ALPI: variants seen among roughly 807,000 people sequenced by gnomAD.
The protein encoded by ALPI is intestinal-type alkaline phosphatase.
A neutral mutation model predicts 51.5 loss-of-function variants in ALPI; 50 were observed. The observed-to-expected ratio is 0.97, with a 90% CI of 0.77 to 1.23. ALPI has a LOEUF of 1.23. Among genes scored for constraint, ALPI ranks in the 50% most tolerant of loss-of-function variants. ALPI has a pLI of 0.00. For missense variants in ALPI, 692 were observed against 722.4 expected, an observed-to-expected ratio of 0.96 and a Z score of 0.48; for synonymous variants, 322 against 308.2, an observed-to-expected ratio of 1.04 and a Z score of -0.47.
chr2:232,456,298 AGG>A lies in ALPI; in HGVS notation c.67+34_67+35del. On this transcript the variant is annotated intron_variant, in intron 1 of 10. Transcript: ENST00000295463. This position sits in a 1 kb window ranked among gnomAD's most constrained non-coding sequence, Gnocchi z 4.2. Reference sequence around the variant, plus strand: ...AGGCTCCCCAAGCTGTTCCACACACAGGGCACCCCCTCAGCCAGGCTGACCTG... The same window carrying A: ...AGGCTCCCCAAGCTGTTCCACACACAGCACCCCCTCAGCCAGGCTGACCTG... The A allele has an allele frequency of 7.4e-6, 12 of 1,614,042 alleles. No individual in the cohort carries two copies. Among genetic ancestry groups the A allele is most frequent in the Non-Finnish European group, 1.0e-5 (12 of 1,180,000 alleles).
intron 10 of ALPI, 27 bp downstream of exon 10, chr2:232,458,775 G>GGGGGACCA: frequency 6.2e-7 from 1 of 1,612,978 alleles, no homozygotes; most frequent in Non-Finnish European, 8.5e-7. Flanking sequence ...GGCCCGTGCA[G>GGGGGACCA]GGGGACCAGG....
chr2:232,458,672 G>A lies in ALPI; in HGVS notation c.1224G>A (p.Thr408=), dbSNP rs767460621. Residue 408 remains threonine (T), a synonymous_variant, in exon 10 of 11, where the codon ACG becomes ACA. Coordinates refer to ENST00000295463, the MANE Select transcript of ALPI (RefSeq NM_001631.5). ...PSKAQDSKAY[T]SILYGNGPGY... is the part of the protein sequence containing the mutation. ...AGGCTCAGGACAGCAAAGCCTACAC[G>A]TCCATCCTGTACGGCAATGGCCCGG... The A allele has an allele frequency of 6.2e-7, 1 of 1,613,942 alleles. No individual in the cohort carries two copies. Among genetic ancestry groups the A allele is most frequent in the East Asian group, 2.2e-5 (1 of 44,870 alleles).
In ALPI at chr2:232,459,037, G is replaced by A. The variant is rs763287848; in HGVS notation, c.1478G>A (p.Cys493Tyr). ...GCCTGTCTGGAGCCCTACACGGCCT[G>A]CGACCTGGCGCCTCCCGCCTGCACC... ...FAACLEPYTA[C>Y]DLAPPACTTD... Residue 493 changes from cysteine (C) to tyrosine (Y), a missense_variant, in exon 11 of 11, where the codon TGC becomes TAC. Cys to Tyr is a radical substitution (Grantham distance 194). Transcript: ENST00000295463. The A allele has an allele frequency of 8.4e-6, 13 of 1,552,608 alleles. No homozygotes were observed. The South Asian group carries it at 1.5e-4, about 18-fold the overall frequency.
rs1466726222 is a variant in ALPI, at chr2:232,457,930, G to C, written c.856+63G>C. 1.4e-5 allele frequency: 23 copies of C among 1,612,062 alleles called. No homozygotes were observed. Among genetic ancestry groups the C allele is most frequent in the East Asian group, 2.2e-5 (1 of 44,872 alleles). ...ACCTCAGAGGGTGCCATCCGAGCCTGTGTGCCCATTTGCCAGCACCCTCCC... is the reference window on the plus strand; with the variant it reads ...ACCTCAGAGGGTGCCATCCGAGCCTCTGTGCCCATTTGCCAGCACCCTCCC... On this transcript the variant is annotated intron_variant, in intron 7 of 10. Transcript: ENST00000295463. This position sits in a 1 kb window ranked among gnomAD's most constrained non-coding sequence, Gnocchi z 4.7.
In ALPI at chr2:232,456,573, C is replaced by T. The variant is rs1690189055; in HGVS notation, c.185-7C>T. ...GGCCCAGGACTCACACATTTCTGCT[C>T]CTTCAGGGTTGGGGGTGCCCACGGT... On this transcript the variant is annotated splice_region_variant and splice_polypyrimidine_tract_variant and intron_variant, in intron 2 of 10. Transcript: ENST00000295463. The surrounding 1 kb of genome is among the most constrained non-coding windows in gnomAD (Gnocchi z 4.2). 4.3e-6 allele frequency: 7 copies of T among 1,611,652 alleles called. No homozygotes were observed. Among genetic ancestry groups the T allele is most frequent in the Admixed American group, 1.7e-5 (1 of 59,930 alleles).
In ALPI at chr2:232,458,722, G is replaced by A; in HGVS notation, c.1274G>A (p.Arg425Gln). The change falls in exon 10 of 11, where the codon CGA becomes CAA. Residue 425 changes from arginine to glutamine, a missense_variant. By Grantham distance (43) the Arg-to-Gln change is conservative. Transcript: ENST00000295463. ...GGCTACGTGTTCAACTCAGGCGTGC[G>A]ACCAGACGTGAATGAGAGCGAGAGC... ...GPGYVFNSGV[R>Q]PDVNESESGS... 2.5e-6 allele frequency: 4 copies of A among 1,613,950 alleles called. No individual in the cohort carries two copies. The highest frequency in any genetic ancestry group is 3.4e-6 in the Non-Finnish European group (4 of 1,180,030).
Position 232,457,165 on chromosome 2 carries a change from TGGTGACCACCACACG to T in ALPI, c.496_510del (p.Thr166_Val170del). The T allele has an allele frequency of 6.2e-7, 1 of 1,612,986 alleles. No homozygotes were observed. The highest frequency in any genetic ancestry group is 8.5e-7 in the Non-Finnish European group (1 of 1,179,908). ...TCACCCTCAGGAAAGTCAGTAGGAG[TGGTGACCACCACACG>T]GGTGCAGCACGCCTCGCCAGCCGGC... On this transcript the variant is annotated inframe_deletion, in exon 5 of 11. Coordinates refer to ENST00000295463, the MANE Select transcript of ALPI (RefSeq NM_001631.5). This position sits in a 1 kb window ranked among gnomAD's most constrained non-coding sequence, Gnocchi z 4.7.
Position 232,457,311 on chromosome 2 carries a change from A to T in ALPI, c.637A>T (p.Met213Leu). ...QDIATQLISN[M>L]DIDVILGGGR... ...CATCGCCACTCAGCTCATCTCCAAC[A>T]TGGACATTGACGTGCGACCCCCGGG... Residue 213 changes from methionine (M) to leucine (L), a missense_variant, in exon 5 of 11, where the codon ATG (methionine) becomes TTG (leucine). Met to Leu is a conservative substitution (Grantham distance 15). Transcript: ENST00000295463. The surrounding 1 kb of genome is among the most constrained non-coding windows in gnomAD (Gnocchi z 4.7). 1 of 1,609,028 alleles carries T rather than the reference A, an allele frequency of 6.2e-7. No homozygotes were observed. The highest frequency in any genetic ancestry group is 8.5e-7 in the Non-Finnish European group (1 of 1,177,534).
chr2:232,457,062 C>T lies in ALPI; in HGVS notation c.464C>T (p.Ala155Val). The T allele has an allele frequency of 6.2e-7, 1 of 1,613,554 alleles. No homozygotes were observed. Among genetic ancestry groups the T allele is most frequent in the Non-Finnish European group, 8.5e-7 (1 of 1,179,978 alleles). ...GAGGTCATCTCCGTGATGAACCGGG[C>T]CAAGCAAGCAGGTGAGCTGGGGCCC... The part of the protein sequence containing the change: ...GNEVISVMNR[A>V]KQAGKSVGVV... Residue 155 changes from alanine to valine, a missense_variant, in exon 4 of 11, where the codon GCC becomes GTC. Transcript: ENST00000295463. This position sits in a 1 kb window ranked among gnomAD's most constrained non-coding sequence, Gnocchi z 4.7.
chr2:232,456,327 TC>T lies in ALPI; in HGVS notation c.68-21del. The T allele has an allele frequency of 6.2e-7, 1 of 1,614,092 alleles. No individual in the cohort carries two copies. The highest frequency in any genetic ancestry group is 8.5e-7 in the Non-Finnish European group (1 of 1,180,016). Reference sequence around the variant, plus strand: ...CACCCCCTCAGCCAGGCTGACCTGATCTCTACTCTCCCCCTGGCCAGCTGAG... The same window carrying T: ...CACCCCCTCAGCCAGGCTGACCTGATTCTACTCTCCCCCTGGCCAGCTGAG... On this transcript the variant is annotated intron_variant, in intron 1 of 10. Coordinates refer to ENST00000295463, the MANE Select transcript of ALPI (RefSeq NM_001631.5). The surrounding 1 kb of genome is among the most constrained non-coding windows in gnomAD (Gnocchi z 4.2).
chr2:232,458,947 C>A lies in ALPI; in HGVS notation c.1388C>A (p.Pro463Gln). Residue 463 changes from proline to glutamine, a missense_variant, in exon 11 of 11, where the codon CCG (proline) becomes CAG (glutamine). Transcript: ENST00000295463. ...GEDVAVFARG[P>Q]QAHLVHGVQE... Reference sequence around the variant, plus strand: ...GACGTGGCGGTGTTTGCGCGCGGCCCGCAGGCGCACCTGGTGCATGGTGTG... The same window carrying A: ...GACGTGGCGGTGTTTGCGCGCGGCCAGCAGGCGCACCTGGTGCATGGTGTG... The A allele has an allele frequency of 1.2e-6, 2 of 1,601,464 alleles. No homozygotes were observed. The highest frequency in any genetic ancestry group is 2.3e-5 in the East Asian group (1 of 44,068).
chr2:232,457,235 G>A lies in ALPI; in HGVS notation c.561G>A (p.Trp187Ter). ...ACGCACACACAGTGAACCGCAACTG[G>A]TACTCAGATGCTGACATGCCTGCCT... is the stretch of plus-strand genomic sequence containing the variant. ...GTYAHTVNRN[W>*]YSDADMPASA... is the part of the protein sequence containing the mutation. Residue 187 changes from tryptophan to a stop codon, truncating the protein, a stop_gained, in exon 5 of 11, where the codon TGG becomes TGA. Coordinates refer to ENST00000295463, the MANE Select transcript of ALPI (RefSeq NM_001631.5). LOFTEE classifies it high-confidence loss of function. This position sits in a 1 kb window ranked among gnomAD's most constrained non-coding sequence, Gnocchi z 4.7. 6.2e-7 allele frequency: 1 copy of A among 1,613,490 alleles called. No homozygotes were observed. The highest frequency in any genetic ancestry group is 1.1e-5 in the South Asian group (1 of 91,082).
Position 232,457,192 on chromosome 2 carries a change from C to A in ALPI, c.518C>A (p.Ala173Asp). ...GTGACCACCACACGGGTGCAGCACGCCTCGCCAGCCGGCACCTACGCACAC... is the reference window on the plus strand; with the variant it reads ...GTGACCACCACACGGGTGCAGCACGACTCGCCAGCCGGCACCTACGCACAC... ...GVVTTTRVQH[A>D]SPAGTYAHTV... The change falls in exon 5 of 11, where the codon GCC (alanine) becomes GAC (aspartate). Residue 173 changes from alanine to aspartate, a missense_variant. Coordinates refer to ENST00000295463, the MANE Select transcript of ALPI (RefSeq NM_001631.5). This position sits in a 1 kb window ranked among gnomAD's most constrained non-coding sequence, Gnocchi z 4.7. 2 of 1,613,506 alleles carry A rather than the reference C, an allele frequency of 1.2e-6. No individual in the cohort carries two copies. Among genetic ancestry groups the A allele is most frequent in the Non-Finnish European group, 1.7e-6 (2 of 1,180,032 alleles).
rs770181051 is a variant in ALPI, at chr2:232,457,525, G to T, written c.649-40G>T. 4.4e-6 allele frequency: 7 copies of T among 1,573,372 alleles called. No individual in the cohort carries two copies. Among genetic ancestry groups the T allele is most frequent in the Non-Finnish European group, 6.0e-6 (7 of 1,159,754 alleles). ...TGCATGAGGAGGGGGCACGGGGCCA[G>T]CCAGGCCCCCAAACCACCTGCCCCA... is the stretch of plus-strand genomic sequence containing the variant. On this transcript the variant is annotated intron_variant, in intron 5 of 10. Coordinates refer to ENST00000295463, the MANE Select transcript of ALPI (RefSeq NM_001631.5). This position sits in a 1 kb window ranked among gnomAD's most constrained non-coding sequence, Gnocchi z 4.7.
Position 232,456,337 on chromosome 2 carries a change from C to T in ALPI, c.68-12C>T, listed in dbSNP as rs1425127087. 3 of 1,614,124 alleles carry T rather than the reference C, an allele frequency of 1.9e-6. No individual in the cohort carries two copies. The highest frequency in any genetic ancestry group is 2.5e-6 in the Non-Finnish European group (3 of 1,180,012). On this transcript the variant is annotated splice_polypyrimidine_tract_variant and intron_variant, in intron 1 of 10. Transcript: ENST00000295463. The surrounding 1 kb of genome is among the most constrained non-coding windows in gnomAD (Gnocchi z 4.2). The stretch of plus-strand genomic sequence containing the variant: ...GCCAGGCTGACCTGATCTCTACTCT[C>T]CCCCTGGCCAGCTGAGGAGGAGAAC...
At position 232,457,563 on chromosome 2, in the gene ALPI, A is replaced by G. The variant is rs1383094623; in HGVS notation, c.649-2A>G. The G allele has an allele frequency of 2.5e-6, 4 of 1,606,936 alleles. No individual in the cohort carries two copies. Among genetic ancestry groups the G allele is most frequent in the Non-Finnish European group, 3.4e-6 (4 of 1,176,338 alleles). ...ACCACCTGCCCCATCCATTGTCCTC[A>G]GGTGATCCTTGGCGGAGGCCGCAAG... is the stretch of plus-strand genomic sequence containing the variant. On this transcript the variant is annotated splice_acceptor_variant, in intron 5 of 10. Transcript: ENST00000295463. LOFTEE classifies it high-confidence loss of function. The surrounding 1 kb of genome is among the most constrained non-coding windows in gnomAD (Gnocchi z 4.7).
At position 232,459,446 on chromosome 2, in the gene ALPI, T is replaced by A; in HGVS notation, c.*300T>A. 2.4e-6 allele frequency: 1 copy of A among 413,152 alleles called. No homozygotes were observed. Among genetic ancestry groups the A allele is most frequent in the Non-Finnish European group, 4.4e-6 (1 of 227,218 alleles). The allele number at this position is 413,152 out of a possible 1,614,324, so 25.6% of individuals were successfully genotyped here. ...TGCAGATTTGTGCCATGCGGCTGCC[T>A]GCACCCCAGACAATAAAGGGACCAA... On this transcript the variant is annotated 3_prime_UTR_variant, in exon 11 of 11. Transcript: ENST00000295463.
In ALPI at chr2:232,456,956, T is replaced by G; in HGVS notation, c.358T>G (p.Cys120Gly). The G allele has an allele frequency of 6.2e-7, 1 of 1,613,686 alleles. No homozygotes were observed. The highest frequency in any genetic ancestry group is 8.5e-7 in the Non-Finnish European group (1 of 1,180,012). ...CGCAGCCACAGCCACGGCCTACCTG[T>G]GCGGGGTCAAGGCCAACTTCCAGAC... is the stretch of plus-strand genomic sequence containing the variant. Reference protein sequence around the residue: ...DSAATATAYLCGVKANFQTIG... With the variant: ...DSAATATAYLGGVKANFQTIG... Residue 120 changes from cysteine to glycine, a missense_variant, in exon 4 of 11, where the codon TGC becomes GGC. Physicochemically the swap from Cys to Gly is radical, Grantham distance 159. Transcript: ENST00000295463. The surrounding 1 kb of genome is among the most constrained non-coding windows in gnomAD (Gnocchi z 4.2).
Position 232,457,001 on chromosome 2 carries a change from G to C in ALPI, c.403G>C (p.Ala135Pro), listed in dbSNP as rs750554208. 6.2e-7 allele frequency: 1 copy of C among 1,613,490 alleles called. No homozygotes were observed. Among genetic ancestry groups the C allele is most frequent in the Non-Finnish European group, 8.5e-7 (1 of 1,180,008 alleles). The stretch of plus-strand genomic sequence containing the variant: ...CCAGACCATCGGCTTGAGTGCAGCC[G>C]CCCGCTTTAACCAGTGCAACACGAC... ...NFQTIGLSAA[A>P]RFNQCNTTRG... The change falls in exon 4 of 11, where the codon GCC becomes CCC. Residue 135 changes from alanine (A) to proline (P), a missense_variant. By Grantham distance (27) the Ala-to-Pro change is conservative. Coordinates refer to ENST00000295463, the MANE Select transcript of ALPI (RefSeq NM_001631.5). The surrounding 1 kb of genome is among the most constrained non-coding windows in gnomAD (Gnocchi z 4.7).
Sources: allele counts gnomAD v4.1 joint callset, GRCh38; gene constraint gnomAD v4.1.1; non-coding constraint Gnocchi (gnomAD v3.1); transcripts MANE v1.5; gene names NCBI Gene and HGNC (gene_info 2026-07-23, HGNC 2026-07-21).